The following CTNNA2 variants were observed in gnomAD, a reference collection of about 807,000 sequenced individuals.
CTNNA2 encodes the protein catenin alpha-2.
A neutral mutation model predicts 101.0 loss-of-function variants in CTNNA2; 42 were observed. The ratio of observed to expected loss-of-function variants is 0.42; its 90% CI spans 0.32 to 0.54. The LOEUF is 0.54. Among genes scored for constraint, CTNNA2 ranks in the 20% least tolerant of loss-of-function variants. The pLI is 0.14. For synonymous variants in CTNNA2, 450 were observed against 456.4 expected, an observed-to-expected ratio of 0.99 and a Z score of 0.18; for missense variants, 871 against 1,223.1, an observed-to-expected ratio of 0.71 and a Z score of 4.29.
chr2:80,303,521 T>G lies in CTNNA2; in HGVS notation c.1057-89690T>G. On this transcript the variant is annotated intron_variant, in intron 7 of 18. Transcript: ENST00000402739. This position sits in a 1 kb window ranked among gnomAD's most constrained non-coding sequence, Gnocchi z 7.7. ...GGCGTCCCCCTGCACGGAGCAGATG[T>G]GATTGTGATCCAGATAGAGCCACGT... is the stretch of plus-strand genomic sequence containing the variant. 6.2e-7 allele frequency: 1 copy of G among 1,614,108 alleles called. No individual in the cohort carries two copies. Among genetic ancestry groups the G allele is most frequent in the Admixed American group, 1.7e-5 (1 of 60,010 alleles).
intron 8 of CTNNA2, among the ~76,000 whole-genome samples, chr2:80,396,474 G>A (rs770077312): frequency 1.6e-4 from 25 of 152,194 alleles, no homozygotes; most frequent in Non-Finnish European, 2.9e-4. Context: ...GCCCAGTGTG[G>A]AAACAATAGC....
intron 2 of CTNNA2, among the ~76,000 whole-genome samples, chr2:79,679,862 C>G (rs151230938): frequency 1.1e-3 from 174 of 152,216 alleles, no homozygotes; most frequent in African/African-American, 3.9e-3. Context: ...CCCCGATCCC[C>G]TATTGGAACA....
chr2:80,428,759 TCAA>T (rs1411784935), intron 9 of CTNNA2, among the ~76,000 whole-genome samples: 2 of 152,116 alleles, frequency 1.3e-5, no homozygotes, highest in African/African-American at 4.8e-5. Context: ...AAAAATTGCA[TCAA>T]CAACTATATT....
intron 7 of CTNNA2, among the ~76,000 whole-genome samples, chr2:80,044,793 T>G (rs1178812505): frequency 2.0e-5 from 3 of 152,196 alleles, no homozygotes; most frequent in Admixed American, 1.3e-4. Flanking sequence ...TATAAAAAAT[T>G]TATTCTACAT....
intron 4 of CTNNA2, among the ~76,000 whole-genome samples, chr2:79,417,538 T>C (rs756881911): frequency 2.6e-5 from 4 of 152,148 alleles, no homozygotes; most frequent in Non-Finnish European, 5.9e-5. Context: ...ACTTCAAAGA[T>C]TAATTGAGTT....
intron 4 of CTNNA2, among the ~76,000 whole-genome samples, chr2:79,486,387 C>G (rs1389975138): frequency 2.0e-5 from 3 of 152,042 alleles, no homozygotes; most frequent in Non-Finnish European, 4.4e-5. Context: ...ATCCATGTCC[C>G]TACAAAGGAC....
intron 7 of CTNNA2, among the ~76,000 whole-genome samples, chr2:79,945,069 G>A (rs761278973): frequency 2.7e-4 from 41 of 152,118 alleles, no homozygotes; most frequent in Non-Finnish European, 5.1e-4. Flanking sequence ...TTGAGACAGG[G>A]TCTCATTCTG....
intron 9 of CTNNA2, among the ~76,000 whole-genome samples, chr2:80,424,249 C>T (rs550685789): frequency 2.6e-5 from 4 of 152,252 alleles, no homozygotes; most frequent in South Asian, 4.1e-4. Context: ...CCACCGTGCC[C>T]GGCCCAGCAA....
intron 7 of CTNNA2, among the ~76,000 whole-genome samples, chr2:80,098,947 C>G (rs1700359101): frequency 6.6e-6 from 1 of 152,134 alleles, no homozygotes; most frequent in East Asian, 1.9e-4. Flanking sequence ...TGACCCCTTG[C>G]ACTTCCCAGG....
At chr2:80,031,496 A>G (rs543677804) in intron 7 of CTNNA2, among the ~76,000 whole-genome samples, 3 of 152,296 alleles carry the variant, frequency 2.0e-5, no homozygotes, top group East Asian at 1.9e-4. Context: ...AAAAGAATCA[A>G]ATCTTGTGAG....
chr2:79,712,448 A>G (rs1391574413), intron 2 of CTNNA2, among the ~76,000 whole-genome samples: 1 of 152,198 alleles, frequency 6.6e-6, no homozygotes, highest in Non-Finnish European at 1.5e-5. Flanking sequence ...CTATCAGAGT[A>G]ATGTATGTAT....
rs746796150 is a variant in CTNNA2 at position 79,927,139 on chromosome 2, G to GA, written c.1056+17348dup. 2.4e-4 allele frequency among the ~76,000 whole-genome samples: 36 copies of GA among 152,228 alleles called. 1 individual carries two copies. Among genetic ancestry groups the GA allele is most frequent in the East Asian group, 7.7e-4 (4 of 5,190 alleles). On this transcript the variant is annotated intron_variant, in intron 7 of 18. Coordinates refer to ENST00000402739, the MANE Select transcript of CTNNA2 (RefSeq NM_001282597.3). ...ATTAGATTAAAGGACATCGAATAGAGAAAAAATATGTTTGCAAAGGAAAGT... is the reference window on the plus strand; with the variant it reads ...ATTAGATTAAAGGACATCGAATAGAGAAAAAAATATGTTTGCAAAGGAAAGT...
At chr2:79,943,822 G>A (rs1484689459) in intron 7 of CTNNA2, among the ~76,000 whole-genome samples, 1 of 152,164 alleles carries the variant, frequency 6.6e-6, no homozygotes. Flanking sequence ...CCTAAACAGT[G>A]TCCAAAAATT....
intron 9 of CTNNA2, among the ~76,000 whole-genome samples, chr2:80,455,600 C>A (rs1159269945): frequency 6.6e-6 from 1 of 152,180 alleles, no homozygotes; most frequent in Non-Finnish European, 1.5e-5. Flanking sequence ...TCTTCCACAT[C>A]TTTCTGGAGA....
intron 9 of CTNNA2, among the ~76,000 whole-genome samples, chr2:80,445,583 A>G (rs1223853075): frequency 6.6e-6 from 1 of 152,176 alleles, no homozygotes; most frequent in Non-Finnish European, 1.5e-5. Context: ...ACATAGTAAA[A>G]TGCAGATATT....
At chr2:79,572,593 A>T (rs950854636) in intron 1 of CTNNA2, among the ~76,000 whole-genome samples, 4 of 152,164 alleles carry the variant, frequency 2.6e-5, no homozygotes, top group Admixed American at 2.0e-4. Flanking sequence ...CTCTACTAAA[A>T]ATACAAAAAT....
chr2:79,710,361 A>G (rs901843406), intron 2 of CTNNA2, among the ~76,000 whole-genome samples: 1 of 152,172 alleles, frequency 6.6e-6, no homozygotes, highest in African/African-American at 2.4e-5. Context: ...ATATGCTTAC[A>G]CTGAATTAGT....
At chr2:79,676,759 TCA>T (rs1477577522) in intron 2 of CTNNA2, among the ~76,000 whole-genome samples, 1 of 152,076 alleles carries the variant, frequency 6.6e-6, no homozygotes, top group East Asian at 1.9e-4. Flanking sequence ...GAAAATAAAC[TCA>T]CAGCCACCCT....
At chr2:79,977,502 A>G (rs6749534) in intron 7 of CTNNA2, among the ~76,000 whole-genome samples, 2,601 of 152,210 alleles carry the variant, frequency 0.017, 79 homozygotes, top group African/African-American at 0.06. Flanking sequence ...AGACTTGCCT[A>G]TTTTTAATAT....
Sources: allele counts gnomAD v4.1 joint callset (sites outside exome capture counted in the v4.1 genomes callset), GRCh38; gene constraint gnomAD v4.1.1; non-coding constraint Gnocchi (gnomAD v3.1); transcripts MANE v1.5; gene names NCBI Gene and HGNC (gene_info 2026-07-23, HGNC 2026-07-21).